Variants in ANXA8 observed in about 807,000 individuals in gnomAD.
The protein encoded by ANXA8 is annexin A8, also known as VAC-beta.
ANXA8 carries 9 observed loss-of-function variants against 26.8 expected under a neutral mutation model. The ratio of observed to expected loss-of-function variants is 0.34; its 90% confidence interval spans 0.20 to 0.59. The LOEUF (loss-of-function observed/expected upper bound fraction) is 0.59, where lower values mean the gene tolerates loss of function less well. Ranked by LOEUF, ANXA8 falls within the 20% of genes least tolerant of loss-of-function variation. The pLI is 0.84. For missense variants in ANXA8, 83 were observed against 238.5 expected (o/e 0.35, Z 4.29); for synonymous variants, 39 against 94.8 (o/e 0.41, Z 3.42).
At chr10:47,753,100 C>T in the ANXA8 span, 1 of 974,082 alleles carries the variant, frequency 1.0e-6, no homozygotes, top group Non-Finnish European at 1.2e-6. Flanking sequence ...AAGAGGGAAA[C>T]TCTGTCTCAA....
the ANXA8 span, among the ~76,000 whole-genome samples, chr10:47,521,336 G>A: frequency 1.4e-5 from 2 of 140,480 alleles, 1 homozygote; most frequent in Non-Finnish European, 3.1e-5. Context: ...TACATGCTTT[G>A]TGTATAAAGG....
the ANXA8 span, among the ~76,000 whole-genome samples, chr10:47,733,253 T>TTCTCTTTCTC: frequency 9.8e-6 from 1 of 102,160 alleles, no homozygotes; most frequent in Admixed American, 1.1e-4. Context: ...CTTTCTTTCT[T>TTCTCTTTCTC]TCTTTCTTTC....
the ANXA8 span, among the ~76,000 whole-genome samples, chr10:47,628,240 C>T: frequency 1.3e-5 from 2 of 152,052 alleles, no homozygotes; most frequent in South Asian, 4.1e-4. Flanking sequence ...TATTTTTAGG[C>T]TTTCTGAATG....
upstream of ANXA8, chr10:47,484,284 A>C (rs1359387722): frequency 7.6e-6 from 5 of 659,712 alleles, no homozygotes; most frequent in African/African-American, 9.0e-5. Flanking sequence ...ACACAGCTCC[A>C]TGTTGATTAG....
At chr10:47,596,705 T>G in the ANXA8 span, among the ~76,000 whole-genome samples, 1 of 144,230 alleles carries the variant, frequency 6.9e-6, no homozygotes, top group Middle Eastern at 3.5e-3. Context: ...AACACACAAC[T>G]TCCCAAGATT....
At chr10:47,591,190 C>A in the ANXA8 span, among the ~76,000 whole-genome samples, 973 of 145,692 alleles carry the variant, frequency 6.7e-3, 26 homozygotes, top group South Asian at 0.046. Flanking sequence ...TGGGTGGGGC[C>A]TGAATCACTT....
chr10:47,665,627 A>G, the ANXA8 span, among the ~76,000 whole-genome samples: 2 of 149,542 alleles, frequency 1.3e-5, no homozygotes, highest in Non-Finnish European at 2.9e-5. Flanking sequence ...AGTATTACAC[A>G]ATTCCTAATC....
the ANXA8 span, among the ~76,000 whole-genome samples, chr10:47,651,855 T>C: frequency 1.3e-5 from 2 of 151,448 alleles, no homozygotes; most frequent in Non-Finnish European, 2.9e-5. Flanking sequence ...GATCATGCCA[T>C]TGCACTCCAG....
upstream of ANXA8, chr10:47,487,123 A>C: frequency 7.2e-7 from 1 of 1,385,296 alleles, no homozygotes; most frequent in Middle Eastern, 2.6e-4. Context: ...ATAAATACTT[A>C]AGTGTACACC....
At chr10:47,567,402 A>G in the ANXA8 span, among the ~76,000 whole-genome samples, 1 of 131,268 alleles carries the variant, frequency 7.6e-6, no homozygotes, top group East Asian at 2.1e-4. Flanking sequence ...AGGGTCTAGG[A>G]GTGGGCCAGT....
At chr10:47,484,965 C>T (rs1840005217), upstream of ANXA8, among the ~76,000 whole-genome samples, 2 of 148,968 alleles carry the variant, frequency 1.3e-5, no homozygotes, top group African/African-American at 4.9e-5. Flanking sequence ...TCCCGGGATC[C>T]ACCCGCTCAT....
chr10:47,647,452 AT>A, the ANXA8 span, among the ~76,000 whole-genome samples: 2 of 150,616 alleles, frequency 1.3e-5, no homozygotes, highest in East Asian at 3.9e-4. Context: ...TGATTTGCAT[AT>A]GAAGAAACAT....
the ANXA8 span, among the ~76,000 whole-genome samples, chr10:47,633,891 G>GA: frequency 7.0e-6 from 1 of 143,692 alleles, no homozygotes; most frequent in Non-Finnish European, 1.5e-5. Flanking sequence ...GCAAGGCACT[G>GA]AAAATGCCTA....
the ANXA8 span, among the ~76,000 whole-genome samples, chr10:47,659,494 T>C: frequency 6.6e-6 from 1 of 151,344 alleles, no homozygotes; most frequent in African/African-American, 2.4e-5. Context: ...AGCCTCAGTA[T>C]GGAGAAACCC....
chr10:47,662,473 T>TGTTTA, the ANXA8 span, among the ~76,000 whole-genome samples: 1 of 152,014 alleles, frequency 6.6e-6, no homozygotes, highest in Non-Finnish European at 1.5e-5. Context: ...GAATTGAAAG[T>TGTTTA]GTTTAGTTTA....
At chr10:47,507,043 CA>C in the ANXA8 span, among the ~76,000 whole-genome samples, 1 of 131,660 alleles carries the variant, frequency 7.6e-6, no homozygotes, top group South Asian at 2.6e-4. Context: ...ACAAATGACA[CA>C]CTTTTTACTC....
At chr10:47,719,768 T>C in the ANXA8 span, 1 of 589,970 alleles carries the variant, frequency 1.7e-6, no homozygotes, top group South Asian at 1.6e-5. Flanking sequence ...AAATTAGCCA[T>C]GTTTGTAAAT....
chr10:47,733,358 G>A, the ANXA8 span, among the ~76,000 whole-genome samples: 9 of 113,268 alleles, frequency 7.9e-5, no homozygotes, highest in Admixed American at 7.3e-4. Context: ...GGTCTTTTAC[G>A]CTGTTATTGC....
chr10:47,665,606 G>A, the ANXA8 span, among the ~76,000 whole-genome samples: 1 of 149,546 alleles, frequency 6.7e-6, no homozygotes, highest in African/African-American at 2.6e-5. Context: ...ATACAAAGAT[G>A]AAGAGAACAA....
Sources: allele counts gnomAD v4.1 joint callset (sites outside exome capture counted in the v4.1 genomes callset), GRCh38; gene constraint gnomAD v4.1.1; transcripts MANE v1.5; gene names NCBI Gene and HGNC (gene_info 2026-07-23, HGNC 2026-07-21).